Variants in UBR3 observed in about 807,000 individuals in gnomAD.
UBR3 encodes the protein ubiquitin protein ligase E3 component n-recognin 3, also known as E3 ubiquitin-protein ligase UBR3.
UBR3 carries 85 observed loss-of-function variants against 243.2 expected under a neutral mutation model. The ratio of observed to expected loss-of-function variants is 0.35; its 90% CI spans 0.29 to 0.42. UBR3 has a LOEUF of 0.42. Ranked by LOEUF, UBR3 falls within the 10% of genes least tolerant of loss-of-function variation. UBR3 has a pLI of 1.00. For synonymous variants in UBR3, 748 were observed against 799.8 expected, an observed-to-expected ratio of 0.94 and a Z score of 1.09; for missense variants, 1,686 against 2,300.8, an observed-to-expected ratio of 0.73 and a Z score of 5.47.
At chr2:169,961,994 C>T (rs2087596861) in intron 24 of UBR3, among the ~76,000 whole-genome samples, 1 of 150,650 alleles carries the variant, frequency 6.6e-6, no homozygotes, top group Non-Finnish European at 1.5e-5. Context: ...ACCTATATGG[C>T]AGAAGTGAAG....
intron 5 of UBR3, among the ~76,000 whole-genome samples, chr2:169,889,128 T>C (rs1242961193): frequency 6.6e-6 from 1 of 152,180 alleles, no homozygotes; most frequent in Non-Finnish European, 1.5e-5. Flanking sequence ...CAGATGCAGA[T>C]AATCTCCCTT....
intron 1 of UBR3, among the ~76,000 whole-genome samples, chr2:169,847,826 T>G (rs1487523673): frequency 6.6e-6 from 1 of 152,222 alleles, no homozygotes; most frequent in African/African-American, 2.4e-5. Flanking sequence ...TTTCTAATCC[T>G]TTCAAATGTT....
chr2:169,925,785 G>A (rs1175778423), intron 14 of UBR3, 38 bp downstream of exon 14: 1 of 1,496,056 alleles, frequency 6.7e-7, no homozygotes, highest in Non-Finnish European at 9.0e-7. Flanking sequence ...CTTTAGAAGT[G>A]TCTCATTTGT....
At chr2:170,080,805 A>T in intron 38 of UBR3, 121 bp downstream of exon 38, 2 of 1,084,168 alleles carry the variant, frequency 1.8e-6, no homozygotes, top group Non-Finnish European at 2.6e-6. Context: ...ACAGTCATTA[A>T]TTTAGAGCTA....
At chr2:170,013,182 G>T (rs2090135554) in intron 29 of UBR3, among the ~76,000 whole-genome samples, 1 of 152,106 alleles carries the variant, frequency 6.6e-6, no homozygotes, top group Non-Finnish European at 1.5e-5. Context: ...TAATATTGCT[G>T]TGTGATTTTC....
At chr2:170,067,451 A>G (rs1188229879) in intron 35 of UBR3, among the ~76,000 whole-genome samples, 1 of 152,316 alleles carries the variant, frequency 6.6e-6, no homozygotes, top group South Asian at 2.1e-4. Flanking sequence ...TTAGTAATCA[A>G]TAACAAGTAG....
chr2:169,921,514 C>T (rs1192362435), intron 11 of UBR3, among the ~76,000 whole-genome samples: 1 of 152,098 alleles, frequency 6.6e-6, no homozygotes, highest in Non-Finnish European at 1.5e-5. Flanking sequence ...TATGCTAAAG[C>T]CCTGAAAGAT....
At chr2:169,954,583 T>C (rs1574277846) in intron 23 of UBR3, among the ~76,000 whole-genome samples, 1 of 151,236 alleles carries the variant, frequency 6.6e-6, no homozygotes, top group African/African-American at 2.4e-5. Context: ...TTTTTTTTTT[T>C]TTTCGTTTTT....
chr2:169,942,589 G>C lies in UBR3; in HGVS notation c.2760G>C (p.Leu920Phe), dbSNP rs1157941973. The C allele has an allele frequency of 6.5e-7, 1 of 1,550,086 alleles. No individual in the cohort carries two copies. Among genetic ancestry groups the C allele is most frequent in the Admixed American group, 2.0e-5 (1 of 50,928 alleles). The part of the protein sequence containing the change: ...HPSYKGLMRL[L>F]HCKTLHIVLF... ...GCTATAAAGGTCTTATGAGACTTTT[G>C]CACTGTAAAACTTTACACATTGTGC... The change falls in exon 20 of 39, where the codon TTG becomes TTC. Residue 920 changes from leucine to phenylalanine, a missense_variant. This residue lies in a region of UBR3 where 300 missense variants were observed against 314.4 expected (regional missense o/e 0.95). Transcript: ENST00000272793.
intron 24 of UBR3, among the ~76,000 whole-genome samples, chr2:169,966,055 T>G (rs1180613456): frequency 6.6e-6 from 1 of 152,204 alleles, no homozygotes. Context: ...TCTACTGTGA[T>G]TAGCACTCTT....
At chr2:169,846,729 CT>C (rs925428991) in intron 1 of UBR3, among the ~76,000 whole-genome samples, 23 of 147,268 alleles carry the variant, frequency 1.6e-4, no homozygotes, top group African/African-American at 4.9e-4. Flanking sequence ...AAAAAAAAAT[CT>C]TCTTTTAAAG....
intron 5 of UBR3, among the ~76,000 whole-genome samples, chr2:169,890,922 A>G (rs1344895452): frequency 6.6e-6 from 1 of 150,528 alleles, no homozygotes; most frequent in Non-Finnish European, 1.5e-5. Flanking sequence ...GGTACTTAAG[A>G]GTCTTCCATT....
At chr2:170,028,485 A>C (rs2090587250) in intron 30 of UBR3, among the ~76,000 whole-genome samples, 1 of 151,864 alleles carries the variant, frequency 6.6e-6, no homozygotes, top group Admixed American at 6.6e-5. Context: ...TATGTTAAGA[A>C]GTATCATATC....
intron 21 of UBR3, 137 bp from the exon 22 acceptor site, chr2:169,947,405 T>C (rs957331448): frequency 3.1e-6 from 2 of 635,024 alleles, no homozygotes; most frequent in Non-Finnish European, 4.6e-6. Flanking sequence ...TTTATTCACT[T>C]TATAATTTGT....
chr2:169,956,608 A>T (rs1248399826), intron 23 of UBR3, among the ~76,000 whole-genome samples: 8 of 152,102 alleles, frequency 5.3e-5, no homozygotes, highest in Non-Finnish European at 1.0e-4. Context: ...GTGGATCCTA[A>T]ATTATCTGTA....
In UBR3 at chr2:169,949,811, C is replaced by T. The variant is rs1276066073; in HGVS notation, c.3291C>T (p.His1097=). The change falls in exon 23 of 39, where the codon CAC becomes CAT. Residue 1097 remains histidine, a synonymous_variant. Coordinates refer to ENST00000272793, the MANE Select transcript of UBR3 (RefSeq NM_172070.4). Reference sequence around the variant, plus strand: ...TATTGTCTTTGCTAATTAAACTTCACCACAAACTCTCAGGAAAACAAAACT... The same window carrying T: ...TATTGTCTTTGCTAATTAAACTTCATCACAAACTCTCAGGAAAACAAAACT... The part of the protein sequence containing the change: ...ESILSLLIKL[H]HKLSGKQNSY... 2 of 1,554,454 alleles carry T rather than the reference C, an allele frequency of 1.3e-6. No homozygotes were observed. Among genetic ancestry groups the T allele is most frequent in the Non-Finnish European group, 1.7e-6 (2 of 1,148,044 alleles).
chr2:169,896,824 C>A, intron 8 of UBR3, 89 bp downstream of exon 8: 1 of 873,288 alleles, frequency 1.1e-6, no homozygotes, highest in Non-Finnish European at 1.6e-6. Flanking sequence ...AGTAATATTA[C>A]TAATAATGAT....
intron 30 of UBR3, among the ~76,000 whole-genome samples, chr2:170,017,550 C>CAA (rs2090280376): frequency 1.1e-5 from 1 of 93,058 alleles, no homozygotes; most frequent in African/African-American, 4.4e-5. Flanking sequence ...CACACAGACA[C>CAA]ACACACACAC....
At chr2:169,937,982 A>G (rs1307041318) in intron 19 of UBR3, among the ~76,000 whole-genome samples, 1 of 152,160 alleles carries the variant, frequency 6.6e-6, no homozygotes, top group Non-Finnish European at 1.5e-5. Context: ...AAATACTTAT[A>G]TGATGATTTT....
Sources: gnomAD v4.1 joint callset for allele counts (sites outside exome capture counted in the v4.1 genomes callset) on GRCh38, gnomAD v4.1.1 for gene constraint, gnomAD v4.1.1 regional missense constraint, MANE v1.5 for transcripts, NCBI Gene and HGNC (gene_info 2026-07-23, HGNC 2026-07-21) for gene names.